RAPGEF4: variants seen among roughly 807,000 people sequenced by gnomAD.
The protein encoded by RAPGEF4 is Rap guanine nucleotide exchange factor 4.
A neutral mutation model predicts 147.9 loss-of-function variants in RAPGEF4; 66 were observed. That is an observed-to-expected ratio of 0.45 (90% confidence interval 0.37 to 0.55). The LOEUF is 0.55. RAPGEF4 is among the 20% of genes least tolerant of loss of function. The pLI, the probability that RAPGEF4 is intolerant of heterozygous loss-of-function variation, is 0.00. For missense variants in RAPGEF4, 1,071 were observed against 1,257.3 expected, an observed-to-expected ratio of 0.85 and a Z score of 2.24; for synonymous variants, 419 against 442.7, an observed-to-expected ratio of 0.95 and a Z score of 0.67.
intron 4 of RAPGEF4, among the ~76,000 whole-genome samples, chr2:172,825,231 A>G (rs941733445): frequency 1.3e-5 from 2 of 152,254 alleles, no homozygotes; most frequent in Non-Finnish European, 2.9e-5. Flanking sequence ...ATTAGCCTAC[A>G]GTTGGCCAAA....
chr2:173,025,820 C>A (rs114891100), intron 23 of RAPGEF4, among the ~76,000 whole-genome samples: 8,825 of 152,282 alleles, frequency 0.058, 339 homozygotes, highest in Middle Eastern at 0.082. Context: ...CGTGTGCTTC[C>A]TATATATGCA....
chr2:172,923,896 AAATT>A lies in RAPGEF4; in HGVS notation c.537+1599_537+1602del, dbSNP rs1685014391. Among the ~76,000 whole-genome samples, 8 of 152,166 alleles carry A rather than the reference AAATT, an allele frequency of 5.3e-5. No individual in the cohort carries two copies. The South Asian group carries it at 1.7e-3, about 31-fold the overall frequency. Reference sequence around the variant, plus strand: ...TCTGAAAAATGTCCTACCCTTTAATAAATTAACTGTCCTTTTGCCTTTTATGGCT... The same window carrying A: ...TCTGAAAAATGTCCTACCCTTTAATAAACTGTCCTTTTGCCTTTTATGGCT... On this transcript the variant is annotated intron_variant, in intron 6 of 30. Transcript: ENST00000397081.
intron 6 of RAPGEF4, among the ~76,000 whole-genome samples, chr2:172,925,795 G>GAGAGAGAGAGAGAC (rs1685253077): frequency 9.5e-6 from 1 of 105,248 alleles, no homozygotes; most frequent in South Asian, 3.4e-4. Flanking sequence ...GAGAGAGAGA[G>GAGAGAGAGAGAGAC]AGAAAGAAAG....
chr2:172,873,556 A>G (rs1007869621), intron 4 of RAPGEF4, among the ~76,000 whole-genome samples: 4 of 152,210 alleles, frequency 2.6e-5, no homozygotes, highest in African/African-American at 9.7e-5. Flanking sequence ...AGAGATATGT[A>G]CAAATGCAAT....
chr2:172,805,102 A>C (rs1162581926), intron 3 of RAPGEF4, among the ~76,000 whole-genome samples: 1 of 152,212 alleles, frequency 6.6e-6, no homozygotes, highest in East Asian at 1.9e-4. Flanking sequence ...CCCCTCTCAC[A>C]GTCAGGCCCT....
At chr2:172,800,764 T>A (rs1686896261) in intron 3 of RAPGEF4, among the ~76,000 whole-genome samples, 1 of 152,174 alleles carries the variant, frequency 6.6e-6, no homozygotes, top group South Asian at 2.1e-4. Context: ...TACACGCACA[T>A]CATGGAGGGT....
At chr2:173,024,214 T>G (rs1198662819) in intron 23 of RAPGEF4, among the ~76,000 whole-genome samples, 6 of 47,262 alleles carry the variant, frequency 1.3e-4, no homozygotes, top group Non-Finnish European at 2.8e-4. Flanking sequence ...TTCTTTTTTT[T>G]ATTATTTTTT....
intron 10 of RAPGEF4, among the ~76,000 whole-genome samples, chr2:172,971,828 C>T (rs563485279): frequency 1.5e-4 from 23 of 152,132 alleles, no homozygotes; most frequent in South Asian, 6.2e-4. Flanking sequence ...AAACAAGCTT[C>T]GTTGGTCAAG....
chr2:172,915,875 T>C (rs1684021433), intron 4 of RAPGEF4, among the ~76,000 whole-genome samples: 1 of 152,156 alleles, frequency 6.6e-6, no homozygotes, highest in African/African-American at 2.4e-5. Context: ...TAGAAAAATT[T>C]AGAGAGTCAA....
intron 6 of RAPGEF4, among the ~76,000 whole-genome samples, chr2:172,956,661 G>A (rs1432861856): frequency 6.6e-6 from 1 of 151,864 alleles, no homozygotes; most frequent in Non-Finnish European, 1.5e-5. Context: ...TAGTAGAGAC[G>A]GGGTTTCACC....
chr2:172,885,289 A>G (rs1053003250), intron 4 of RAPGEF4, among the ~76,000 whole-genome samples: 2 of 152,030 alleles, frequency 1.3e-5, no homozygotes, highest in Non-Finnish European at 2.9e-5. Context: ...CCCCTGCCTC[A>G]CTTTCCTCCT....
intron 4 of RAPGEF4, among the ~76,000 whole-genome samples, chr2:172,917,229 A>G (rs930598620): frequency 2.0e-5 from 3 of 152,222 alleles, no homozygotes; most frequent in African/African-American, 7.2e-5. Flanking sequence ...GTTCTAAATT[A>G]AGCTAAACTA....
chr2:173,034,004 A>C (rs767590660), intron 27 of RAPGEF4, 40 bp downstream of exon 27: 1 of 1,548,816 alleles, frequency 6.5e-7, no homozygotes, highest in East Asian at 2.3e-5. Flanking sequence ...CACTGTCTAC[A>C]TTAATCCAAT....
chr2:172,877,772 C>G (rs1427551955), intron 4 of RAPGEF4, among the ~76,000 whole-genome samples: 1 of 152,174 alleles, frequency 6.6e-6, no homozygotes, highest in Non-Finnish European at 1.5e-5. Context: ...TTCTTCATTG[C>G]TACCCTGATG....
chr2:173,013,829 T>C (rs1434176657), intron 17 of RAPGEF4, among the ~76,000 whole-genome samples: 1 of 152,164 alleles, frequency 6.6e-6, no homozygotes, highest in Non-Finnish European at 1.5e-5. Context: ...AGGTAAGTCA[T>C]GGTTCTACAC....
chr2:172,762,015 G>A (rs562903819), intron 1 of RAPGEF4, among the ~76,000 whole-genome samples: 5 of 152,140 alleles, frequency 3.3e-5, no homozygotes, highest in Non-Finnish European at 5.9e-5. Context: ...CAAGCTACTC[G>A]GGAGGCTGAG....
intron 4 of RAPGEF4, among the ~76,000 whole-genome samples, chr2:172,877,145 A>C (rs1456869992): frequency 1.3e-5 from 2 of 152,220 alleles, no homozygotes; most frequent in African/African-American, 4.8e-5. Flanking sequence ...TTGGATAAAG[A>C]AAATGGGGCA....
chr2:172,928,602 G>A (rs781111733), intron 6 of RAPGEF4, among the ~76,000 whole-genome samples: 1 of 152,108 alleles, frequency 6.6e-6, no homozygotes, highest in Non-Finnish European at 1.5e-5. Flanking sequence ...TACATTTGGT[G>A]ATTGTTTTAA....
chr2:172,742,476 A>G (rs1192349108), intron 1 of RAPGEF4, among the ~76,000 whole-genome samples: 1 of 152,150 alleles, frequency 6.6e-6, no homozygotes, highest in African/African-American at 2.4e-5. Context: ...ATTTGGGTCT[A>G]GAGTTTGACT....
Sources: allele counts gnomAD v4.1 joint callset (sites outside exome capture counted in the v4.1 genomes callset), GRCh38; gene constraint gnomAD v4.1.1; transcripts MANE v1.5; gene names NCBI Gene and HGNC (gene_info 2026-07-23, HGNC 2026-07-21).